The following ESRRG variants were observed in gnomAD, a reference collection of about 807,000 sequenced individuals.
ESRRG encodes the protein estrogen related receptor gamma, also known as estrogen-related receptor gamma.
Under a neutral mutation model 44.0 loss-of-function variants are expected in ESRRG, and 13 were observed. The observed-to-expected ratio is 0.30, with a 90% CI of 0.19 to 0.47. The LOEUF (loss-of-function observed/expected upper bound fraction) is 0.47, where lower values mean the gene tolerates loss of function less well. Ranked by LOEUF, ESRRG falls within the 20% of genes least tolerant of loss-of-function variation. The pLI is 1.00. For synonymous variants in ESRRG, 215 were observed against 214.6 expected (o/e 1.00, Z -0.02); for missense variants, 395 against 580.6 (o/e 0.68, Z 3.29).
At chr1:216,518,996 T>C (rs1489994786) in intron 6 of ESRRG, among the ~76,000 whole-genome samples, 156 bp downstream of exon 6, 3 of 152,200 alleles carry the variant, frequency 2.0e-5, no homozygotes, top group African/African-American at 7.2e-5. Context: ...ATTTTTCTTA[T>C]TTCTAACTTT....
chr1:216,772,895 G>GA (rs1384551257), intron 2 of ESRRG, among the ~76,000 whole-genome samples: 7 of 150,784 alleles, frequency 4.6e-5, no homozygotes, highest in East Asian at 2.0e-4. Flanking sequence ...TCCAAAAGGA[G>GA]AAAAAAAATC....
intron 1 of ESRRG, among the ~76,000 whole-genome samples, chr1:217,114,494 G>A (rs757777327): frequency 1.1e-4 from 17 of 151,970 alleles, no homozygotes; most frequent in Non-Finnish European, 2.2e-4. Context: ...TAGGCTTACC[G>A]AATCAATTTG....
intron 2 of ESRRG, among the ~76,000 whole-genome samples, chr1:216,842,570 G>A (rs1170080712): frequency 6.6e-6 from 1 of 152,166 alleles, no homozygotes; most frequent in African/African-American, 2.4e-5. Flanking sequence ...TGTCCTTAAT[G>A]TAAGAGGCAG....
chr1:216,955,193 C>G (rs2067718032), intron 1 of ESRRG, among the ~76,000 whole-genome samples: 1 of 152,020 alleles, frequency 6.6e-6, no homozygotes, highest in Non-Finnish European at 1.5e-5. Flanking sequence ...TCCCATCCTT[C>G]CCTCACACCT....
upstream of ESRRG, among the ~76,000 whole-genome samples, chr1:216,725,702 AC>A (rs1050693291): frequency 1.4e-3 from 207 of 152,234 alleles, no homozygotes; most frequent in African/African-American, 4.8e-3. Context: ...ACACACACAC[AC>A]AAAAAAGAAA....
chr1:216,817,746 G>T (rs1377781638), intron 2 of ESRRG, among the ~76,000 whole-genome samples: 1 of 152,192 alleles, frequency 6.6e-6, no homozygotes, highest in Non-Finnish European at 1.5e-5. Flanking sequence ...GAATAGGAAT[G>T]CAACAGCACG....
chr1:216,644,764 A>C (rs1372821332), intron 3 of ESRRG, among the ~76,000 whole-genome samples: 1 of 152,120 alleles, frequency 6.6e-6, no homozygotes, highest in African/African-American at 2.4e-5. Flanking sequence ...GATCAAATCA[A>C]GTATGAAAAT....
At chr1:216,764,250 G>A (rs1382228290) in intron 2 of ESRRG, among the ~76,000 whole-genome samples, 2 of 150,490 alleles carry the variant, frequency 1.3e-5, no homozygotes, top group Non-Finnish European at 3.0e-5. Context: ...AGTCTTGCTA[G>A]GTTGCCCAGG....
At chr1:216,646,298 A>G (rs1335014215) in intron 3 of ESRRG, among the ~76,000 whole-genome samples, 4 of 152,154 alleles carry the variant, frequency 2.6e-5, no homozygotes, top group African/African-American at 9.7e-5. Context: ...AAGGCCATTG[A>G]CATTGCCAAA....
At chr1:217,004,699 A>G (rs905728847) in intron 1 of ESRRG, among the ~76,000 whole-genome samples, 28 of 152,336 alleles carry the variant, frequency 1.8e-4, no homozygotes, top group African/African-American at 6.5e-4. Flanking sequence ...GCTGGTTAAG[A>G]AATTAATCTG....
chr1:216,896,038 C>G (rs544517098), intron 2 of ESRRG, among the ~76,000 whole-genome samples: 3 of 152,124 alleles, frequency 2.0e-5, no homozygotes, highest in Admixed American at 2.0e-4. Context: ...TTTATTTATA[C>G]CAAGGGTAAG....
At chr1:216,626,120 C>A (rs2150573366) in intron 3 of ESRRG, among the ~76,000 whole-genome samples, 1 of 152,318 alleles carries the variant, frequency 6.6e-6, no homozygotes, top group South Asian at 2.1e-4. Context: ...GCTTTGACCT[C>A]TTTGTTGGCA....
intron 2 of ESRRG, among the ~76,000 whole-genome samples, chr1:216,780,477 A>G (rs184061591): frequency 6.6e-6 from 1 of 152,144 alleles, no homozygotes; most frequent in African/African-American, 2.4e-5. Flanking sequence ...ATGGAATAAG[A>G]GCTAGAAATT....
chr1:216,881,985 T>C (rs2149322590), intron 2 of ESRRG, among the ~76,000 whole-genome samples: 1 of 149,694 alleles, frequency 6.7e-6, no homozygotes, highest in South Asian at 2.1e-4. Flanking sequence ...TTTTTTTTAA[T>C]CCTTAAGAAA....
chr1:216,602,899 C>G (rs1260606972), intron 3 of ESRRG, among the ~76,000 whole-genome samples: 1 of 152,058 alleles, frequency 6.6e-6, no homozygotes, highest in East Asian at 1.9e-4. Context: ...ATGAAGAAAA[C>G]TAAGACAAAA....
chr1:216,935,594 G>T (rs1450552598), intron 2 of ESRRG, among the ~76,000 whole-genome samples: 2 of 151,424 alleles, frequency 1.3e-5, no homozygotes, highest in African/African-American at 4.9e-5. Flanking sequence ...CTCTGAAATT[G>T]CAAATTGAAA....
At chr1:216,562,194 G>A (rs72735199) in intron 5 of ESRRG, among the ~76,000 whole-genome samples, 21,068 of 152,066 alleles carry the variant, frequency 0.14, 2,011 homozygotes, top group Middle Eastern at 0.21. Flanking sequence ...GGGACAACTT[G>A]AGCAGAACTC....
chr1:216,703,349 T>G (rs990082197), intron 1 of ESRRG, among the ~76,000 whole-genome samples: 1 of 152,190 alleles, frequency 6.6e-6, no homozygotes, highest in African/African-American at 2.4e-5. Context: ...TTAAGAAAGT[T>G]TACTCATCTG....
At chr1:216,657,401 T>C (rs1318620102) in intron 2 of ESRRG, among the ~76,000 whole-genome samples, 1 of 152,198 alleles carries the variant, frequency 6.6e-6, no homozygotes, top group Non-Finnish European at 1.5e-5. Context: ...GTGCTTCCTT[T>C]AGAACTGCCA....
Sources: gnomAD v4.1 joint callset for allele counts (sites outside exome capture counted in the v4.1 genomes callset) on GRCh38, gnomAD v4.1.1 for gene constraint, MANE v1.5 for transcripts, NCBI Gene and HGNC (gene_info 2026-07-23, HGNC 2026-07-21) for gene names.